The following STK39 variants were observed in gnomAD, a reference collection of about 807,000 sequenced individuals.
STK39 encodes the protein STE20/SPS1-related proline-alanine-rich protein kinase.
Under a neutral mutation model 77.8 loss-of-function variants are expected in STK39, and 20 were observed. The observed-to-expected ratio is 0.26, with a 90% CI of 0.18 to 0.37. The LOEUF is 0.37. Ranked by LOEUF, STK39 falls within the 10% of genes least tolerant of loss-of-function variation. STK39 has a pLI of 1.00. For synonymous variants in STK39, 246 were observed against 234.1 expected (o/e 1.05, Z -0.47); for missense variants, 479 against 656.5 (o/e 0.73, Z 2.95).
chr2:168,133,529 C>T (rs1052598063), intron 8 of STK39, among the ~76,000 whole-genome samples: 4 of 152,086 alleles, frequency 2.6e-5, no homozygotes, highest in African/African-American at 9.7e-5. Context: ...GCCAAACTAT[C>T]TCCATGAGAA....
At chr2:168,188,698 G>A (rs1319287735) in intron 1 of STK39, among the ~76,000 whole-genome samples, 2 of 152,068 alleles carry the variant, frequency 1.3e-5, no homozygotes, top group Non-Finnish European at 2.9e-5. Flanking sequence ...CATCCTCCTC[G>A]TCTTACTATT....
At chr2:168,088,888 T>C (rs1686441039) in intron 10 of STK39, among the ~76,000 whole-genome samples, 1 of 152,200 alleles carries the variant, frequency 6.6e-6, no homozygotes, top group African/African-American at 2.4e-5. Context: ...ATCAGACCAG[T>C]AAGCATAAAA....
chr2:168,135,558 A>G (rs1409552414), intron 8 of STK39, among the ~76,000 whole-genome samples: 2 of 152,248 alleles, frequency 1.3e-5, no homozygotes, highest in African/African-American at 4.8e-5. Flanking sequence ...GAACTCTCCA[A>G]TGACAAAAGC....
chr2:168,043,546 A>C (rs1315294644), intron 14 of STK39, among the ~76,000 whole-genome samples: 1 of 152,248 alleles, frequency 6.6e-6, no homozygotes, highest in Non-Finnish European at 1.5e-5. Context: ...GCAAATGTGA[A>C]TTTTCTCTGC....
At chr2:168,233,123 T>C (rs1690502949) in intron 1 of STK39, among the ~76,000 whole-genome samples, 1 of 152,162 alleles carries the variant, frequency 6.6e-6, no homozygotes, top group Non-Finnish European at 1.5e-5. Flanking sequence ...AATATTACTA[T>C]TCTTACGTTC....
chr2:167,982,598 C>T (rs1683449310), intron 16 of STK39, among the ~76,000 whole-genome samples: 1 of 152,216 alleles, frequency 6.6e-6, no homozygotes. Context: ...GATGTGGTCA[C>T]TCTACTTACA....
Position 167,982,554 on chromosome 2 carries a change from ACT to A in STK39, c.1499-17830_1499-17829del, listed in dbSNP as rs200582400. Among the ~76,000 whole-genome samples the A allele has an allele frequency of 8.2e-3, 1,247 of 152,192 alleles. 15 individuals carry two copies. Among genetic ancestry groups the A allele is most frequent in the African/African-American group, 0.028 (1,173 of 41,492 alleles). On this transcript the variant is annotated intron_variant, in intron 16 of 17. Transcript: ENST00000355999. ...TGCAAGAGGTGCCTTTTTATTCTAC[ACT>A]CTCAGAAATGGCCTAGTTTGGATGA...
intron 5 of STK39, among the ~76,000 whole-genome samples, chr2:168,159,448 A>G (rs893111586): frequency 1.3e-5 from 2 of 152,210 alleles, no homozygotes; most frequent in African/African-American, 4.8e-5. Context: ...TTGTTCAGGC[A>G]GCAACCAAGT....
At chr2:168,172,039 C>G (rs901350852) in intron 2 of STK39, among the ~76,000 whole-genome samples, 1 of 152,094 alleles carries the variant, frequency 6.6e-6, no homozygotes, top group Non-Finnish European at 1.5e-5. Flanking sequence ...GGCGGGTTAT[C>G]CAACAACTTT....
At chr2:168,088,156 T>C (rs1261567877) in intron 10 of STK39, among the ~76,000 whole-genome samples, 1 of 152,218 alleles carries the variant, frequency 6.6e-6, no homozygotes, top group Non-Finnish European at 1.5e-5. Flanking sequence ...ATATTCCTAA[T>C]ATTCTAATTT....
chr2:168,128,127 G>A (rs1384811594), intron 10 of STK39, among the ~76,000 whole-genome samples: 1 of 152,112 alleles, frequency 6.6e-6, no homozygotes, highest in African/African-American at 2.4e-5. Context: ...ACACCTCTCA[G>A]GGACCAGCTA....
intron 10 of STK39, among the ~76,000 whole-genome samples, chr2:168,107,820 C>G (rs1687018306): frequency 6.6e-6 from 1 of 152,202 alleles, no homozygotes; most frequent in Non-Finnish European, 1.5e-5. Flanking sequence ...TGTCCTCTGA[C>G]AACACATGTG....
intron 14 of STK39, among the ~76,000 whole-genome samples, chr2:168,042,106 T>G (rs1475329241): frequency 6.6e-6 from 1 of 152,240 alleles, no homozygotes; most frequent in Non-Finnish European, 1.5e-5. Context: ...AATTTTCTTC[T>G]CAGTGATTGT....
At chr2:168,233,338 T>C (rs943751498) in intron 1 of STK39, among the ~76,000 whole-genome samples, 1 of 152,214 alleles carries the variant, frequency 6.6e-6, no homozygotes, top group Non-Finnish European at 1.5e-5. Context: ...TAAAACATTC[T>C]CTGTTACAGC....
chr2:167,955,499 G>A lies in STK39; in HGVS notation c.1635C>T (p.Ser545=). ...KLIGFAQLSV[S] The stretch of plus-strand genomic sequence containing the variant: ...GGGTGACATCAAGGGACATACATCA[G>A]CTGACACTCAACTGAGCAAACCCAA... The change falls in exon 18 of 18, where the codon AGC becomes AGT. Residue 545 remains serine, a synonymous_variant. Transcript: ENST00000355999. The A allele has an allele frequency of 6.2e-7, 1 of 1,613,756 alleles. No homozygotes were observed. The highest frequency in any genetic ancestry group is 1.1e-5 in the South Asian group (1 of 91,012).
At chr2:168,168,717 G>A (rs999737422) in intron 2 of STK39, among the ~76,000 whole-genome samples, 1 of 152,164 alleles carries the variant, frequency 6.6e-6, no homozygotes, top group Non-Finnish European at 1.5e-5. Context: ...TTGGCTGGGG[G>A]CAGTGGCTCA....
rs865923059 is a variant in STK39, at chr2:168,148,347, G to A, written c.629-7589C>T. 4.6e-5 allele frequency among the ~76,000 whole-genome samples: 7 copies of A among 152,182 alleles called. No individual in the cohort carries two copies. In the South Asian group the frequency reaches 1.5e-3, roughly 32 times the overall value. On this transcript the variant is annotated intron_variant, in intron 5 of 17. Coordinates refer to ENST00000355999, the MANE Select transcript of STK39 (RefSeq NM_013233.3). The stretch of plus-strand genomic sequence containing the variant: ...TGGGCACTGAAAGCCAACTCTGAGT[G>A]CAAACTGGGAGGGCCACCCCTTCCC...
chr2:167,975,641 C>T (rs1683257574), intron 16 of STK39, among the ~76,000 whole-genome samples: 1 of 152,130 alleles, frequency 6.6e-6, no homozygotes, highest in South Asian at 2.1e-4. Context: ...CGGTGAAACC[C>T]CGTCTCTACT....
intron 10 of STK39, among the ~76,000 whole-genome samples, chr2:168,099,010 T>C (rs1686748750): frequency 6.6e-6 from 1 of 152,206 alleles, no homozygotes; most frequent in Admixed American, 6.5e-5. Context: ...AGAGATCATG[T>C]GGAGAGGTCA....
Sources: allele counts gnomAD v4.1 joint callset (sites outside exome capture counted in the v4.1 genomes callset), GRCh38; gene constraint gnomAD v4.1.1; transcripts MANE v1.5; gene names NCBI Gene and HGNC (gene_info 2026-07-23, HGNC 2026-07-21).